The following MID1 variants were observed in gnomAD, a reference collection of about 807,000 sequenced individuals.
MID1 encodes the protein midline 1.
Under a neutral mutation model 40.4 loss-of-function variants are expected in MID1, and 7 were observed. The observed-to-expected ratio is 0.17, with a 90% CI of 0.10 to 0.33. The LOEUF (loss-of-function observed/expected upper bound fraction) is 0.33. Among genes scored for constraint, MID1 ranks in the 10% least tolerant of loss-of-function variants. MID1 has a pLI of 1.00. For synonymous variants in MID1, 229 were observed against 221.2 expected, an observed-to-expected ratio of 1.04 and a Z score of -0.31; for missense variants, 367 against 558.5, an observed-to-expected ratio of 0.66 and a Z score of 3.46.
chrX:10,695,673 C>T (rs1011881994), intron 1 of MID1, among the ~76,000 whole-genome samples: 3 of 111,934 alleles, frequency 2.7e-5, no homozygotes, highest in African/African-American at 9.7e-5. Context: ...TACTGCAATG[C>T]CATAGTCTCA....
rs748047001 is a variant in MID1 at position 10,611,260 on chromosome X, G to GA, written c.-57+9029dup. On this transcript the variant is annotated intron_variant, in intron 1 of 9. Coordinates refer to ENST00000317552, the MANE Select transcript of MID1 (RefSeq NM_000381.4). ...AAGAACTCACACTCTTTGAAGATTA[G>GA]AATTCATAAATGTATGAAAGAATTA... Among the ~76,000 whole-genome samples the GA allele has an allele frequency of 2.7e-5, 3 of 112,123 alleles. No individual in the cohort carries two copies. The Admixed American group carries it at 2.8e-4, about 11-fold the overall frequency.
chrX:10,623,305 A>AGAAG (rs201219943), upstream of MID1, among the ~76,000 whole-genome samples: 10,011 of 100,771 alleles, frequency 0.099, 681 homozygotes, highest in African/African-American at 0.22. Flanking sequence ...AGAGAAAGAA[A>AGAAG]GAAGGAAGGA....
intron 1 of MID1, among the ~76,000 whole-genome samples, chrX:10,636,784 G>GGATATATATATATATATA (rs1936117352): frequency 8.2e-5 from 1 of 12,157 alleles, no homozygotes; most frequent in African/African-American, 4.3e-4. Flanking sequence ...CCAACAATGG[G>GGATATATATATATATATA]GATATATATA....
intron 9 of MID1, 129 bp from the exon 10 acceptor site, chrX:10,449,845 A>G: frequency 3.6e-6 from 2 of 554,112 alleles, no homozygotes; most frequent in Non-Finnish European, 6.2e-6. Flanking sequence ...TCTTTAAGTG[A>G]AAGCTTGGCA....
At chrX:10,747,490 T>C (rs2043566444) in intron 1 of MID1, among the ~76,000 whole-genome samples, 1 of 112,416 alleles carries the variant, frequency 8.9e-6, no homozygotes, top group Admixed American at 9.4e-5. Flanking sequence ...TGATTGGTGA[T>C]TTTTGAAATC....
chrX:10,785,197 G>A (rs1223209319), intron 1 of MID1, among the ~76,000 whole-genome samples: 1 of 110,991 alleles, frequency 9.0e-6, no homozygotes, highest in East Asian at 2.8e-4. Flanking sequence ...GCCAAATCAT[G>A]AGTGAACTCC....
intron 4 of MID1, among the ~76,000 whole-genome samples, chrX:10,494,771 C>CAAA (rs58092232): frequency 1.3e-3 from 39 of 30,754 alleles, no homozygotes; most frequent in East Asian, 5.3e-3. Context: ...AAGACTGTCT[C>CAAA]AAAAAAAAAA....
At chrX:10,537,279 G>GC (rs909486348) in intron 2 of MID1, among the ~76,000 whole-genome samples, 5 of 111,229 alleles carry the variant, frequency 4.5e-5, no homozygotes, top group African/African-American at 1.3e-4. Flanking sequence ...AAAAAATAAT[G>GC]CCCCCCCAAC....
intron 1 of MID1, among the ~76,000 whole-genome samples, chrX:10,630,538 GGGGC>G (rs1936041786): frequency 1.8e-5 from 2 of 109,679 alleles, no homozygotes; most frequent in African/African-American, 6.7e-5. Context: ...ATGTGTGCGG[GGGGC>G]GGGGGCAGTG....
At chrX:10,487,910 T>C (rs965223178) in intron 4 of MID1, among the ~76,000 whole-genome samples, 1 of 111,121 alleles carries the variant, frequency 9.0e-6, no homozygotes, top group Admixed American at 9.6e-5. Flanking sequence ...CATTCATCTG[T>C]TGATGGACTT....
At chrX:10,704,765 C>CACACACACACACACACAG (rs781699598) in intron 1 of MID1, among the ~76,000 whole-genome samples, 94 of 91,610 alleles carry the variant, frequency 1.0e-3, no homozygotes, top group African/African-American at 3.9e-3. Flanking sequence ...CACACACACA[C>CACACACACACACACACAG]AGAGAGAGAG....
chrX:10,456,698 G>A (rs1224385349), intron 8 of MID1, among the ~76,000 whole-genome samples: 1 of 111,423 alleles, frequency 9.0e-6, no homozygotes, highest in Non-Finnish European at 1.9e-5. Flanking sequence ...TTAGCTGGGT[G>A]TGGTGGCGGA....
At chrX:10,458,792 T>C (rs1453311410) in intron 8 of MID1, among the ~76,000 whole-genome samples, 1 of 111,598 alleles carries the variant, frequency 9.0e-6, no homozygotes, top group Non-Finnish European at 1.9e-5. Context: ...ATAGGTTAAA[T>C]GAGGGTTCCC....
At chrX:10,493,270 A>T (rs1203460580) in intron 4 of MID1, among the ~76,000 whole-genome samples, 1 of 111,825 alleles carries the variant, frequency 8.9e-6, no homozygotes, top group Non-Finnish European at 1.9e-5. Flanking sequence ...GAGAGGTCAG[A>T]TTGATGCAAA....
At chrX:10,649,509 C>T (rs1189278447) in intron 1 of MID1, among the ~76,000 whole-genome samples, 6 of 112,004 alleles carry the variant, frequency 5.4e-5, no homozygotes, top group Non-Finnish European at 1.9e-5. Flanking sequence ...GCATGGTTTT[C>T]GTTTTGTGAA....
At position 10,448,910 on chromosome X, in the gene MID1, T is replaced by C. The variant is rs1928157155; in HGVS notation, c.*458A>G. The C allele has an allele frequency of 8.4e-6, 1 of 119,149 alleles. No individual in the cohort carries two copies. The highest frequency in any genetic ancestry group is 1.8e-5 in the Non-Finnish European group (1 of 57,103). The allele number at this position is 119,149 out of a possible 1,213,427, so 9.8% of individuals were successfully genotyped here. On this transcript the variant is annotated 3_prime_UTR_variant, in exon 10 of 10. Transcript: ENST00000317552. ...TCCCCTACTAGGTTCAAACACATCC[T>C]GTTATGCACCATCGAGGTGAGAAGA...
chrX:10,664,502 T>G (rs2042937688), intron 1 of MID1, among the ~76,000 whole-genome samples: 1 of 112,126 alleles, frequency 8.9e-6, no homozygotes, highest in South Asian at 3.7e-4. Flanking sequence ...ATTCATCCAC[T>G]GATAAACATT....
chrX:10,536,458 G>C (rs1171659775), intron 2 of MID1, among the ~76,000 whole-genome samples: 2 of 112,716 alleles, frequency 1.8e-5, no homozygotes, highest in East Asian at 5.5e-4. Context: ...TCAGTTCCCT[G>C]AACTATATTT....
At chrX:10,458,857 G>A (rs971434479) in intron 8 of MID1, among the ~76,000 whole-genome samples, 6 of 111,487 alleles carry the variant, frequency 5.4e-5, no homozygotes, top group Admixed American at 9.5e-5. Context: ...ACAACATGGC[G>A]CCATACCGAC....
Sources: allele counts gnomAD v4.1 joint callset (sites outside exome capture counted in the v4.1 genomes callset), GRCh38; gene constraint gnomAD v4.1.1; transcripts MANE v1.5; gene names NCBI Gene and HGNC (gene_info 2026-07-23, HGNC 2026-07-21).